Variants in ATP10D observed in about 807,000 individuals in gnomAD.
The protein encoded by ATP10D is ATPase phospholipid transporting 10D (putative).
ATP10D carries 89 observed loss-of-function variants against 144.8 expected under a neutral mutation model. The ratio of observed to expected loss-of-function variants is 0.61; its 90% CI spans 0.52 to 0.73. The LOEUF is 0.73. Ranked by LOEUF, ATP10D falls within the 30% of genes least tolerant of loss-of-function variation. ATP10D has a pLI of 0.00. For synonymous variants in ATP10D, 571 were observed against 615.1 expected, an observed-to-expected ratio of 0.93 and a Z score of 1.06; for missense variants, 1,603 against 1,714.8, an observed-to-expected ratio of 0.93 and a Z score of 1.15.
At chr4:47,572,096 A>G in intron 16 of ATP10D, 58 bp from the exon 17 acceptor site, 5 of 1,516,942 alleles carry the variant, frequency 3.3e-6, no homozygotes, top group Non-Finnish European at 4.6e-6. Context: ...GATTTGCAAC[A>G]TTTACACCCT....
At chr4:47,588,493 G>T (rs571070991) in intron 22 of ATP10D, among the ~76,000 whole-genome samples, 28 of 152,140 alleles carry the variant, frequency 1.8e-4, no homozygotes, top group Non-Finnish European at 5.9e-5. Flanking sequence ...GGCTGCTTAT[G>T]CAATACAACA....
intron 1 of ATP10D, among the ~76,000 whole-genome samples, chr4:47,496,461 A>G (rs922164133): frequency 6.6e-6 from 1 of 151,996 alleles, no homozygotes; most frequent in African/African-American, 2.4e-5. Flanking sequence ...CCGGCTGTGT[A>G]GTGACTTTCT....
intron 6 of ATP10D, 110 bp downstream of exon 6, chr4:47,535,725 A>G: frequency 1.5e-6 from 2 of 1,360,950 alleles, no homozygotes; most frequent in Non-Finnish European, 2.0e-6. Flanking sequence ...ATTTTGCCTG[A>G]TAAACTTAAT....
rs772782452 is a variant in ATP10D at position 47,512,632 on chromosome 4, C to T, written c.92C>T (p.Ser31Phe). ...GATGATTCAGGGCCATACAACTATT[C>T]CTCGTTGCTCGCCTGTGGGCGCAAG... Reference protein sequence around the residue: ...RDDDSGPYNYSSLLACGRKSS... With the variant: ...RDDDSGPYNYFSLLACGRKSS... Residue 31 changes from serine (S) to phenylalanine (F), a missense_variant, in exon 2 of 23, where the codon TCC becomes TTC. Ser to Phe is a radical substitution (Grantham distance 155). Coordinates refer to ENST00000273859, the MANE Select transcript of ATP10D (RefSeq NM_020453.4). 5 of 1,614,156 alleles carry T rather than the reference C, an allele frequency of 3.1e-6. No homozygotes were observed. Among genetic ancestry groups the T allele is most frequent in the Non-Finnish European group, 4.2e-6 (5 of 1,180,030 alleles).
intron 9 of ATP10D, 73 bp from the exon 10 acceptor site, chr4:47,546,551 G>T: frequency 7.4e-7 from 1 of 1,358,752 alleles, no homozygotes. Context: ...AGCTGCTTAA[G>T]TAACTGCCTG....
At position 47,591,715 on chromosome 4, in the gene ATP10D, G is replaced by A. The variant is rs1284229671; in HGVS notation, c.*334G>A. On this transcript the variant is annotated 3_prime_UTR_variant, in exon 23 of 23. Transcript: ENST00000273859. ...CATTTGAGATATATTTATTTTACTA[G>A]GAGATCTTATATTCTAGGGAAATGC... 5.9e-6 allele frequency: 1 copy of A among 169,770 alleles called. No homozygotes were observed. Among genetic ancestry groups the A allele is most frequent in the Non-Finnish European group, 1.2e-5 (1 of 80,240 alleles). 10.5% of individuals were successfully genotyped at this position (169,770 alleles called of 1,614,324 possible). A position where few individuals can be genotyped will look rare whatever the true frequency, so the allele number is the denominator to read the frequency against.
At chr4:47,489,416 C>T (rs1248131098) in intron 1 of ATP10D, among the ~76,000 whole-genome samples, 1 of 151,648 alleles carries the variant, frequency 6.6e-6, no homozygotes, top group African/African-American at 2.4e-5. Flanking sequence ...ATGCACAGAA[C>T]CCAATTTATT....
At chr4:47,510,687 T>C (rs545471240) in intron 1 of ATP10D, among the ~76,000 whole-genome samples, 2 of 152,342 alleles carry the variant, frequency 1.3e-5, no homozygotes, top group East Asian at 3.9e-4. Context: ...ACACCTCCTG[T>C]ATTTGTTTCA....
At chr4:47,497,379 G>A (rs190171623) in intron 1 of ATP10D, among the ~76,000 whole-genome samples, 18 of 152,088 alleles carry the variant, frequency 1.2e-4, no homozygotes, top group African/African-American at 2.2e-4. Flanking sequence ...CGCTTGAACC[G>A]GGGAGACCGA....
At position 47,512,495 on chromosome 4, in the gene ATP10D, G is replaced by T. The variant is rs1560416584; in HGVS notation, c.-37-9G>T. 1 of 1,528,766 alleles carries T rather than the reference G, an allele frequency of 6.5e-7. No homozygotes were observed. Among genetic ancestry groups the T allele is most frequent in the African/African-American group, 1.4e-5 (1 of 72,134 alleles). The allele number at this position is 1,528,766 out of a possible 1,614,324, so 94.7% of individuals were successfully genotyped here. A position where few individuals can be genotyped will look rare whatever the true frequency, so the allele number is the denominator to read the frequency against. On this transcript the variant is annotated splice_polypyrimidine_tract_variant and intron_variant, in intron 1 of 22. Coordinates refer to ENST00000273859, the MANE Select transcript of ATP10D (RefSeq NM_020453.4). ...GCTCATGGAAGTGTGGTTTTTGTTT[G>T]TTTGCCAGGTCAGCTACACAACCTG...
rs1720044784 is a variant in ATP10D, at chr4:47,572,987, A to G, written c.3356A>G (p.Tyr1119Cys). 1.9e-6 allele frequency: 3 copies of G among 1,613,986 alleles called. No homozygotes were observed. Among genetic ancestry groups the G allele is most frequent in the South Asian group, 1.1e-5 (1 of 91,070 alleles). Reference protein sequence around the residue: ...RLSNMILYFFYKNVAYVNLLF... With the variant: ...RLSNMILYFFCKNVAYVNLLF... ...TCCAACATGATTCTCTATTTTTTCTATAAGAATGTGGTATGTAACCCCAGA... is the reference window on the plus strand; with the variant it reads ...TCCAACATGATTCTCTATTTTTTCTGTAAGAATGTGGTATGTAACCCCAGA... Residue 1119 changes from tyrosine to cysteine, a missense_variant, in exon 18 of 23, where the codon TAT becomes TGT. Tyr to Cys is a radical substitution (Grantham distance 194). Coordinates refer to ENST00000273859, the MANE Select transcript of ATP10D (RefSeq NM_020453.4).
chr4:47,501,109 T>G (rs1179042960), intron 1 of ATP10D, among the ~76,000 whole-genome samples: 1 of 152,190 alleles, frequency 6.6e-6, no homozygotes, highest in Non-Finnish European at 1.5e-5. Flanking sequence ...AGGAGTTCAC[T>G]GGTTGAGAGA....
chr4:47,490,043 A>G (rs542231939), intron 1 of ATP10D, among the ~76,000 whole-genome samples: 1 of 152,310 alleles, frequency 6.6e-6, no homozygotes, highest in African/African-American at 2.4e-5. Context: ...CTTGGTTATG[A>G]GAAGGAAAGT....
intron 2 of ATP10D, 80 bp downstream of exon 2, chr4:47,512,910 T>C (rs1468741534): frequency 7.5e-7 from 1 of 1,324,972 alleles, no homozygotes; most frequent in Non-Finnish European, 1.0e-6. Context: ...CATAACCCTG[T>C]ATATTACTTA....
intron 11 of ATP10D, among the ~76,000 whole-genome samples, chr4:47,557,201 A>C (rs535679098): frequency 6.6e-6 from 1 of 152,060 alleles, no homozygotes; most frequent in African/African-American, 2.4e-5. Context: ...GCTGTTACTG[A>C]ATACTTAATT....
intron 1 of ATP10D, among the ~76,000 whole-genome samples, chr4:47,504,306 T>C (rs760454464): frequency 6.6e-6 from 1 of 152,182 alleles, no homozygotes; most frequent in Non-Finnish European, 1.5e-5. Flanking sequence ...TAGAGGATAG[T>C]AGTTACCAAG....
At chr4:47,588,947 T>C (rs1720909854) in intron 22 of ATP10D, among the ~76,000 whole-genome samples, 1 of 152,192 alleles carries the variant, frequency 6.6e-6, no homozygotes, top group South Asian at 2.1e-4. Flanking sequence ...TTTTATCTTA[T>C]GTGGCAAGAA....
intron 1 of ATP10D, among the ~76,000 whole-genome samples, chr4:47,504,648 C>T (rs958194802): frequency 9.9e-5 from 15 of 151,984 alleles, no homozygotes; most frequent in Admixed American, 6.6e-4. Context: ...CTGCAAGCTC[C>T]GCCTCCCGGG....
At chr4:47,515,083 C>T (rs916720051) in intron 2 of ATP10D, among the ~76,000 whole-genome samples, 6 of 152,080 alleles carry the variant, frequency 3.9e-5, no homozygotes, top group African/African-American at 1.4e-4. Flanking sequence ...GCCTCAGCCT[C>T]CTGAGTAGCT....
Sources: gnomAD v4.1 joint callset for allele counts (sites outside exome capture counted in the v4.1 genomes callset) on GRCh38, gnomAD v4.1.1 for gene constraint, MANE v1.5 for transcripts, NCBI Gene and HGNC (gene_info 2026-07-23, HGNC 2026-07-21) for gene names.